The following UGT1A8 variants were observed in gnomAD, a reference collection of about 807,000 sequenced individuals.
The protein encoded by UGT1A8 is UDP glucuronosyltransferase family 1 member A8, also known as UDP-glucuronosyltransferase 1A8.
A neutral mutation model predicts 45.3 loss-of-function variants in UGT1A8; 39 were observed. The ratio of observed to expected loss-of-function variants is 0.86; its 90% CI spans 0.67 to 1.12. UGT1A8 has a LOEUF of 1.12. Ranked by LOEUF, UGT1A8 falls within the 50% of genes most tolerant of loss-of-function variation. The probability of loss-of-function intolerance (pLI) is 0.00; values close to 1 mark genes in which losing one functional copy is unlikely to be tolerated. For synonymous variants in UGT1A8, 275 were observed against 249.2 expected (o/e 1.10, Z -0.97); for missense variants, 719 against 664.9 (o/e 1.08, Z -0.90).
Position 233,695,130 on chromosome 2 carries a change from C to CTTTCTTTCTT in UGT1A8, c.856-71901_856-71900insCTTTCTTTTT, listed in dbSNP as rs1364557158. ...GCCCATTAACCAACCCTTTTCTTTTCTTTTTTTTTTTTTTGAGACAGAGTC... is the reference window on the plus strand; with the variant it reads ...GCCCATTAACCAACCCTTTTCTTTTCTTTCTTTCTTTTTTTTTTTTTTTTGAGACAGAGTC... On this transcript the variant is annotated intron_variant, in intron 1 of 4. Transcript: ENST00000373450. Among the ~76,000 whole-genome samples the CTTTCTTTCTT allele has an allele frequency of 1.3e-4, 18 of 138,838 alleles. 1 individual carries two copies. Among genetic ancestry groups the CTTTCTTTCTT allele is most frequent in the African/African-American group, 4.9e-4 (18 of 36,850 alleles). 91.1% of individuals were successfully genotyped at this position (138,838 alleles called of 152,430 possible). A position where few individuals can be genotyped will look rare whatever the true frequency, so the allele number is the denominator to read the frequency against.
In UGT1A8 at chr2:233,767,139, G is replaced by C; in HGVS notation, c.961G>C (p.Asp321His). Residue 321 changes from aspartate to histidine, a missense_variant, in exon 2 of 5, where the codon GAT becomes CAT. Asp to His is a moderately conservative substitution (Grantham distance 81). Transcript: ENST00000373450. Reference protein sequence around the residue: ...IPEKKAMAIADALGKIPQTVL... With the variant: ...IPEKKAMAIAHALGKIPQTVL... Reference sequence around the variant, plus strand: ...AGAGAAGAAAGCTATGGCAATTGCTGATGCTTTGGGCAAAATCCCTCAGAC... The same window carrying C: ...AGAGAAGAAAGCTATGGCAATTGCTCATGCTTTGGGCAAAATCCCTCAGAC... 6.2e-7 allele frequency: 1 copy of C among 1,614,104 alleles called. No individual in the cohort carries two copies. The highest frequency in any genetic ancestry group is 1.7e-4 in the Middle Eastern group (1 of 6,060).
chr2:233,708,956 T>C (rs1167417954), intron 1 of UGT1A8, among the ~76,000 whole-genome samples: 1 of 152,154 alleles, frequency 6.6e-6, no homozygotes, highest in African/African-American at 2.4e-5. Flanking sequence ...CATTTATATG[T>C]TTCCATTTCT....
At chr2:233,757,269 G>C (rs1302149472) in intron 1 of UGT1A8, among the ~76,000 whole-genome samples, 1 of 127,616 alleles carries the variant, frequency 7.8e-6, no homozygotes, top group African/African-American at 2.9e-5. Context: ...GGCAGCCGAT[G>C]CAATGATTCA....
intron 1 of UGT1A8, among the ~76,000 whole-genome samples, chr2:233,736,548 C>T (rs547329540): frequency 1.4e-4 from 21 of 152,318 alleles, no homozygotes; most frequent in Admixed American, 5.9e-4. Flanking sequence ...CAGCTTTGCT[C>T]CATTGCTAGC....
At chr2:233,749,646 T>C (rs1395564636) in intron 1 of UGT1A8, among the ~76,000 whole-genome samples, 1 of 151,888 alleles carries the variant, frequency 6.6e-6, no homozygotes, top group Non-Finnish European at 1.5e-5. Flanking sequence ...AAATCTCATC[T>C]TGAATTGTAA....
At chr2:233,738,256 C>A (rs775163628) in intron 1 of UGT1A8, among the ~76,000 whole-genome samples, 10 of 152,180 alleles carry the variant, frequency 6.6e-5, no homozygotes, top group Non-Finnish European at 1.0e-4. Context: ...GAACTGGAGT[C>A]AATTAAAGCT....
intron 1 of UGT1A8, chr2:233,752,635 T>C (rs1695024610): frequency 6.6e-6 from 1 of 152,222 alleles, no homozygotes; most frequent in Admixed American, 6.5e-5. Flanking sequence ...AGCTGTTGTC[T>C]TAGTTACTGG....
chr2:233,670,451 T>A (rs1167495282), intron 1 of UGT1A8, among the ~76,000 whole-genome samples: 1 of 152,264 alleles, frequency 6.6e-6, no homozygotes, highest in Non-Finnish European at 1.5e-5. Flanking sequence ...TTAGTTTCAG[T>A]GCCCATTCAT....
At chr2:233,693,758 G>C in intron 1 of UGT1A8, 2 of 1,614,234 alleles carry the variant, frequency 1.2e-6, no homozygotes, top group Non-Finnish European at 1.7e-6. Context: ...GAAGGTCTCT[G>C]TTTGGCTGTT....
chr2:233,667,980 G>C (rs764087939), intron 1 of UGT1A8, among the ~76,000 whole-genome samples: 4 of 152,014 alleles, frequency 2.6e-5, no homozygotes, highest in Admixed American at 2.6e-4. Context: ...TTAAAGCAAG[G>C]GTGCAAAAAA....
intron 1 of UGT1A8, among the ~76,000 whole-genome samples, chr2:233,647,632 T>A (rs1385336578): frequency 6.6e-6 from 1 of 152,264 alleles, no homozygotes. Context: ...TTGTGTCTTT[T>A]AAGAAATTTG....
chr2:233,701,125 G>C (rs535015875), intron 1 of UGT1A8, among the ~76,000 whole-genome samples: 39 of 152,142 alleles, frequency 2.6e-4, no homozygotes, highest in Non-Finnish European at 5.1e-4. Context: ...ATCATTGAGG[G>C]ACATTTAGGT....
At chr2:233,724,799 C>T (rs559235136) in intron 1 of UGT1A8, among the ~76,000 whole-genome samples, 7 of 139,258 alleles carry the variant, frequency 5.0e-5, no homozygotes, top group Non-Finnish European at 1.1e-4. Flanking sequence ...GACGGGGTGG[C>T]GGCCGGGCAG....
At chr2:233,730,084 A>G (rs962499834) in intron 1 of UGT1A8, 3 of 1,600,988 alleles carry the variant, frequency 1.9e-6, no homozygotes, top group African/African-American at 2.7e-5. Context: ...ATATTTACTT[A>G]TCTTTCCAAA....
At chr2:233,770,765 A>G (rs962602628) in intron 4 of UGT1A8, 1 of 152,230 alleles carries the variant, frequency 6.6e-6, no homozygotes, top group Non-Finnish European at 1.5e-5. Context: ...ATTACATTAT[A>G]ATAATGTTTC....
chr2:233,703,901 T>A (rs1235763751), intron 1 of UGT1A8, among the ~76,000 whole-genome samples: 1 of 152,040 alleles, frequency 6.6e-6, no homozygotes, highest in Non-Finnish European at 1.5e-5. Flanking sequence ...TTCTTTTCTT[T>A]TTTTTTTGAG....
chr2:233,652,746 G>C (rs116846522), intron 1 of UGT1A8, among the ~76,000 whole-genome samples: 1 of 152,134 alleles, frequency 6.6e-6, no homozygotes, highest in Non-Finnish European at 1.5e-5. Context: ...AACAGAGGTC[G>C]CTGAGACAGC....
At chr2:233,676,973 A>G (rs1411652116) in intron 1 of UGT1A8, among the ~76,000 whole-genome samples, 2 of 152,188 alleles carry the variant, frequency 1.3e-5, no homozygotes, top group Non-Finnish European at 2.9e-5. Context: ...GTAATAATCT[A>G]TAAATGAGGT....
In UGT1A8 at chr2:233,742,896, A is replaced by G. The variant is rs28900374; in HGVS notation, c.856-24138A>G. On this transcript the variant is annotated intron_variant, in intron 1 of 4. Coordinates refer to ENST00000373450, the MANE Select transcript of UGT1A8 (RefSeq NM_019076.5). ...CACCTGGCTCACACTTTCCCAACGG[A>G]AAAAGGTAATGCTCAAAGTGCTGAA... 1,545 of 165,018 alleles carry G rather than the reference A, an allele frequency of 9.4e-3. 58 individuals are homozygous for G. Among genetic ancestry groups the G allele is most frequent in the African/African-American group, 0.035 (1,468 of 41,444 alleles). 10.2% of individuals were successfully genotyped at this position (165,018 alleles called of 1,614,324 possible). A position where few individuals can be genotyped will look rare whatever the true frequency, so the allele number is the denominator to read the frequency against.
Sources: allele counts gnomAD v4.1 joint callset (sites outside exome capture counted in the v4.1 genomes callset), GRCh38; gene constraint gnomAD v4.1.1; transcripts MANE v1.5; gene names NCBI Gene and HGNC (gene_info 2026-07-23, HGNC 2026-07-21).